The following TMCC3 variants were observed in gnomAD, a reference collection of about 807,000 sequenced individuals.
The protein encoded by TMCC3 is transmembrane and coiled-coil domain protein 3.
In TMCC3, 28 loss-of-function variants were observed where a neutral mutation model predicts 40.2. The observed-to-expected ratio is 0.70, with a 90% CI of 0.52 to 0.95. The LOEUF (loss-of-function observed/expected upper bound fraction) is 0.95. Among genes scored for constraint, TMCC3 ranks in the 40% least tolerant of loss-of-function variants. The probability of loss-of-function intolerance (pLI) is 0.00; values close to 1 mark genes in which losing one functional copy is unlikely to be tolerated. For synonymous variants in TMCC3, 255 were observed against 248.5 expected, an observed-to-expected ratio of 1.03 and a Z score of -0.25; for missense variants, 554 against 615.2, an observed-to-expected ratio of 0.90 and a Z score of 1.05.
At chr12:94,613,183 G>C (rs1049435994) in intron 1 of TMCC3, among the ~76,000 whole-genome samples, 1 of 151,958 alleles carries the variant, frequency 6.6e-6, no homozygotes, top group African/African-American at 2.4e-5. Flanking sequence ...ATTAAAATGG[G>C]CCAGGCACAA....
intron 1 of TMCC3, chr12:94,644,336 A>C (rs1594301981): frequency 1.0e-6 from 1 of 971,560 alleles, no homozygotes. Flanking sequence ...TGAAAGCTGC[A>C]GACTCTTCTA....
intron 1 of TMCC3, among the ~76,000 whole-genome samples, chr12:94,604,854 G>A (rs1039663110): frequency 2.6e-5 from 4 of 151,544 alleles, no homozygotes; most frequent in Admixed American, 2.0e-4. Flanking sequence ...GAACCAAGGG[G>A]AGGAAATAAG....
At chr12:94,634,682 G>A (rs1468821045) in intron 1 of TMCC3, among the ~76,000 whole-genome samples, 1 of 152,202 alleles carries the variant, frequency 6.6e-6, no homozygotes, top group African/African-American at 2.4e-5. Flanking sequence ...TGCTGATTTT[G>A]CATAAGTAAG....
chr12:94,580,007 A>G (rs1039300660), intron 2 of TMCC3, among the ~76,000 whole-genome samples: 1 of 152,264 alleles, frequency 6.6e-6, no homozygotes, highest in Non-Finnish European at 1.5e-5. Flanking sequence ...ATGCATATGG[A>G]AAGATTTTTG....
chr12:94,579,231 G>A (rs973492816), intron 2 of TMCC3, among the ~76,000 whole-genome samples: 2 of 152,188 alleles, frequency 1.3e-5, no homozygotes, highest in African/African-American at 4.8e-5. Flanking sequence ...CCTTAGCTGG[G>A]TGCAGTGGCT....
chr12:94,600,543 A>G (rs2068746661), intron 1 of TMCC3, among the ~76,000 whole-genome samples: 1 of 152,206 alleles, frequency 6.6e-6, no homozygotes, highest in Admixed American at 6.5e-5. Flanking sequence ...TTAAGCCCTG[A>G]GTAATTTTTC....
At chr12:94,603,424 A>T (rs931375515) in intron 1 of TMCC3, among the ~76,000 whole-genome samples, 8 of 152,148 alleles carry the variant, frequency 5.3e-5, no homozygotes, top group Non-Finnish European at 1.2e-4. Context: ...AATGAATCTT[A>T]TTTACCAAAA....
intron 1 of TMCC3, among the ~76,000 whole-genome samples, chr12:94,601,105 A>G (rs1289887757): frequency 6.6e-6 from 1 of 151,674 alleles, no homozygotes; most frequent in African/African-American, 2.4e-5. Flanking sequence ...ACTACACACA[A>G]TGTAACTGTA....
At position 94,582,286 on chromosome 12, in the gene TMCC3, T is replaced by TA; in HGVS notation, c.330dup (p.Ile111TyrfsTer6). On this transcript the variant is annotated frameshift_variant, in exon 2 of 4. Coordinates refer to ENST00000261226, the MANE Select transcript of TMCC3 (RefSeq NM_020698.4). LOFTEE classifies it high-confidence loss of function. ...TTCTTCTTCTCAAAGACTTGCTTGA[T>TA]ACGTCCCGCCTGCTGCTTGTCTGCG... The TA allele has an allele frequency of 6.2e-7, 1 of 1,614,132 alleles. No individual in the cohort carries two copies. The highest frequency in any genetic ancestry group is 8.5e-7 in the Non-Finnish European group (1 of 1,180,028).
At chr12:94,594,327 A>C (rs1191425227) in intron 1 of TMCC3, among the ~76,000 whole-genome samples, 1 of 151,972 alleles carries the variant, frequency 6.6e-6, no homozygotes, top group Non-Finnish European at 1.5e-5. Context: ...TCCTGGGCTC[A>C]AGTTATCCTC....
chr12:94,629,038 C>T (rs1456665760), intron 1 of TMCC3, among the ~76,000 whole-genome samples: 1 of 152,168 alleles, frequency 6.6e-6, no homozygotes, highest in Non-Finnish European at 1.5e-5. Flanking sequence ...ATTCCTGTTC[C>T]TCCCTCTTCT....
intron 1 of TMCC3, among the ~76,000 whole-genome samples, chr12:94,595,924 T>TA (rs1594278251): frequency 6.6e-6 from 1 of 152,234 alleles, no homozygotes. Context: ...ATTTCTGGCA[T>TA]AGAAAAACAG....
chr12:94,596,255 C>T (rs1252283819), intron 1 of TMCC3, among the ~76,000 whole-genome samples: 1 of 152,182 alleles, frequency 6.6e-6, no homozygotes, highest in Non-Finnish European at 1.5e-5. Flanking sequence ...ATTAGCTCTG[C>T]CTTGCAGATT....
intron 1 of TMCC3, among the ~76,000 whole-genome samples, chr12:94,584,133 C>A (rs971662617): frequency 6.6e-6 from 1 of 152,052 alleles, no homozygotes; most frequent in Non-Finnish European, 1.5e-5. Context: ...CAATTGTAAT[C>A]CCCAGTGTTG....
chr12:94,603,524 T>C (rs2138852407), intron 1 of TMCC3, among the ~76,000 whole-genome samples: 1 of 152,294 alleles, frequency 6.6e-6, no homozygotes, highest in East Asian at 1.9e-4. Flanking sequence ...AAATCTCACG[T>C]GTGTAATACT....
In TMCC3 at chr12:94,650,371, G is replaced by C. The variant is rs763704978; in HGVS notation, c.60C>G (p.His20Gln). The change falls in exon 1 of 4, where the codon CAC becomes CAG. Residue 20 changes from histidine to glutamine, a missense_variant. Physicochemically the swap from His to Gln is conservative, Grantham distance 24. Transcript: ENST00000261226. ...VDRTYSYPGR[H>Q]HRCKSRVERH... ...CGCTCACCCGGCTCTTGCAGCGGTGGTGCCGGCCGGGGTACGAGTAGGTCC... is the reference window on the plus strand; with the variant it reads ...CGCTCACCCGGCTCTTGCAGCGGTGCTGCCGGCCGGGGTACGAGTAGGTCC... 91 of 1,341,318 alleles carry C rather than the reference G, an allele frequency of 6.8e-5. 1 individual carries two copies. In the African/African-American group the frequency reaches 1.0e-3, roughly 15 times the overall value. The allele number at this position is 1,341,318 out of a possible 1,614,324, so 83.1% of individuals were successfully genotyped here.
chr12:94,621,335 G>A (rs894252991), intron 1 of TMCC3, among the ~76,000 whole-genome samples: 3 of 152,228 alleles, frequency 2.0e-5, no homozygotes, highest in Non-Finnish European at 2.9e-5. Context: ...ACCAGTATGT[G>A]GAAGAGCCTT....
At position 94,571,372 on chromosome 12, in the gene TMCC3, G is replaced by A. The variant is rs1424312788; in HGVS notation, c.*63C>T. On this transcript the variant is annotated 3_prime_UTR_variant, in exon 4 of 4. Coordinates refer to ENST00000261226, the MANE Select transcript of TMCC3 (RefSeq NM_020698.4). ...CAATCATTCACTGTAAAATTTGGTAGTATGCACAGAGTTTTCTTTAAAATA... is the reference window on the plus strand; with the variant it reads ...CAATCATTCACTGTAAAATTTGGTAATATGCACAGAGTTTTCTTTAAAATA... 5 of 1,539,776 alleles carry A rather than the reference G, an allele frequency of 3.2e-6. No homozygotes were observed. The highest frequency in any genetic ancestry group is 4.4e-6 in the Non-Finnish European group (5 of 1,132,120).
intron 1 of TMCC3, among the ~76,000 whole-genome samples, chr12:94,617,031 T>C (rs2651970): frequency 0.19 from 28,585 of 151,980 alleles, 3,043 homozygotes; most frequent in Non-Finnish European, 0.25. Flanking sequence ...AGGGTGGTCG[T>C]GAGAGGTCTA....
Sources: allele counts gnomAD v4.1 joint callset (sites outside exome capture counted in the v4.1 genomes callset), GRCh38; gene constraint gnomAD v4.1.1; transcripts MANE v1.5; gene names NCBI Gene and HGNC (gene_info 2026-07-23, HGNC 2026-07-21).